The following RBMS3 variants were observed in gnomAD, a reference collection of about 807,000 sequenced individuals.
RBMS3 encodes the protein RNA-binding motif, single-stranded-interacting protein 3.
In RBMS3, 27 loss-of-function variants were observed where a neutral mutation model predicts 66.8. That is an observed-to-expected ratio of 0.40 (90% CI 0.30 to 0.56). RBMS3 has a LOEUF of 0.56. RBMS3 is among the 20% of genes least tolerant of loss of function. The pLI is 0.40. For missense variants in RBMS3, 513 were observed against 549.5 expected (o/e 0.93, Z 0.66); for synonymous variants, 188 against 183.0 (o/e 1.03, Z -0.22).
chr3:29,972,897 G>A (rs12492165), intron 12 of RBMS3, among the ~76,000 whole-genome samples: 16,327 of 151,948 alleles, frequency 0.11, 1,631 homozygotes, highest in African/African-American at 0.24. Context: ...GGATTTCTTC[G>A]TTCCTTTGTC....
chr3:29,622,534 A>C (rs1248295172), intron 4 of RBMS3, among the ~76,000 whole-genome samples: 1 of 152,236 alleles, frequency 6.6e-6, no homozygotes, highest in African/African-American at 2.4e-5. Context: ...CAGTAAAATA[A>C]TCTTCTATCA....
At chr3:29,693,330 A>G (rs7626062) in intron 4 of RBMS3, among the ~76,000 whole-genome samples, 69,588 of 152,014 alleles carry the variant, frequency 0.46, 16,775 homozygotes, top group South Asian at 0.55. Flanking sequence ...AGTTAGAAAG[A>G]TATTTTAAGG....
intron 1 of RBMS3, among the ~76,000 whole-genome samples, chr3:29,385,767 A>G (rs1473092601): frequency 1.3e-5 from 2 of 152,118 alleles, no homozygotes. Flanking sequence ...CAAAGGACAT[A>G]TCCTAGACTC....
chr3:29,522,725 G>T (rs760022189), intron 3 of RBMS3, among the ~76,000 whole-genome samples: 2 of 152,018 alleles, frequency 1.3e-5, no homozygotes, highest in African/African-American at 4.8e-5. Flanking sequence ...TCTTTTATTC[G>T]TCTGCCAATA....
intron 4 of RBMS3, among the ~76,000 whole-genome samples, chr3:29,692,581 C>A (rs763417192): frequency 3.6e-4 from 55 of 152,130 alleles, no homozygotes; most frequent in Non-Finnish European, 4.4e-5. Flanking sequence ...TATTTGACAA[C>A]CTAATCAAAA....
chr3:29,879,546 C>T (rs1189508061), intron 7 of RBMS3, among the ~76,000 whole-genome samples: 1 of 152,128 alleles, frequency 6.6e-6, no homozygotes, highest in Non-Finnish European at 1.5e-5. Context: ...AAATATTCAA[C>T]ATTTTCTATA....
intron 4 of RBMS3, among the ~76,000 whole-genome samples, chr3:29,733,686 A>G (rs1164944174): frequency 1.3e-5 from 2 of 152,078 alleles, no homozygotes; most frequent in Non-Finnish European, 1.5e-5. Context: ...ATAGTATGCA[A>G]ATATTTTTGC....
At chr3:29,569,387 C>A (rs1443605308) in intron 3 of RBMS3, among the ~76,000 whole-genome samples, 1 of 151,896 alleles carries the variant, frequency 6.6e-6, no homozygotes, top group African/African-American at 2.4e-5. Context: ...TACTAATTTA[C>A]AAATTACATC....
At chr3:29,430,401 T>C (rs2041137627) in intron 1 of RBMS3, among the ~76,000 whole-genome samples, 1 of 152,202 alleles carries the variant, frequency 6.6e-6, no homozygotes, top group Admixed American at 6.5e-5. Flanking sequence ...AATACATTCT[T>C]TCTTCACAAG....
At chr3:29,659,989 G>A (rs573801143) in intron 4 of RBMS3, among the ~76,000 whole-genome samples, 49 of 152,036 alleles carry the variant, frequency 3.2e-4, no homozygotes, top group African/African-American at 3.1e-4. Context: ...GATGTTAAGC[G>A]TCTTTAATTT....
intron 4 of RBMS3, among the ~76,000 whole-genome samples, chr3:29,593,166 A>G (rs919576409): frequency 6.9e-6 from 1 of 145,064 alleles, no homozygotes; most frequent in African/African-American, 2.9e-5. Flanking sequence ...AAGTATAATA[A>G]AAAAAGGAAG....
At chr3:29,797,592 G>A (rs2057244626) in intron 6 of RBMS3, 1 of 152,172 alleles carries the variant, frequency 6.6e-6, no homozygotes, top group Non-Finnish European at 1.5e-5. Context: ...AAAAGGCCTA[G>A]CTTTCAGACT....
intron 4 of RBMS3, among the ~76,000 whole-genome samples, chr3:29,643,338 A>G (rs2049796812): frequency 6.6e-6 from 1 of 152,216 alleles, no homozygotes; most frequent in Non-Finnish European, 1.5e-5. Context: ...AGCTTTTAGG[A>G]ACAAGGTTTT....
At chr3:29,327,183 C>A (rs1056661164) in intron 1 of RBMS3, among the ~76,000 whole-genome samples, 1 of 152,158 alleles carries the variant, frequency 6.6e-6, no homozygotes, top group Non-Finnish European at 1.5e-5. Flanking sequence ...CTAATTTGTT[C>A]ATTATTTGCC....
At chr3:29,395,625 A>G (rs1023408895) in intron 1 of RBMS3, among the ~76,000 whole-genome samples, 3 of 152,208 alleles carry the variant, frequency 2.0e-5, no homozygotes, top group African/African-American at 4.8e-5. Context: ...TTCAAAAGCA[A>G]TAAGCAAGTA....
chr3:29,701,023 C>T (rs147607503), intron 4 of RBMS3, among the ~76,000 whole-genome samples: 179 of 152,280 alleles, frequency 1.2e-3, no homozygotes, highest in Non-Finnish European at 1.9e-3. Flanking sequence ...CAATGAAGAA[C>T]TGTTTAAAAG....
chr3:29,708,376 A>AT lies in RBMS3; in HGVS notation c.400-31339dup, dbSNP rs1242519710. Among the ~76,000 whole-genome samples the AT allele has an allele frequency of 3.3e-5, 5 of 152,128 alleles. No individual in the cohort carries two copies. The East Asian group carries it at 9.6e-4, about 29-fold the overall frequency. On this transcript the variant is annotated intron_variant, in intron 4 of 14. Transcript: ENST00000383767. ...TAGCCACCATTTCAGGGGCATGGCT[A>AT]TTTTTGGCTCTAAATGTAGGCAAGA...
At chr3:29,528,269 C>T (rs1452319919) in intron 3 of RBMS3, among the ~76,000 whole-genome samples, 1 of 152,068 alleles carries the variant, frequency 6.6e-6, no homozygotes, top group East Asian at 1.9e-4. Flanking sequence ...CCAGCCACCA[C>T]ACCCGGCTAA....
At chr3:29,426,702 A>G (rs2040973322) in intron 1 of RBMS3, among the ~76,000 whole-genome samples, 2 of 151,830 alleles carry the variant, frequency 1.3e-5, no homozygotes, top group East Asian at 2.0e-4. Flanking sequence ...CATTTCAAGA[A>G]TAGTGGCTTT....
Sources: allele counts gnomAD v4.1 joint callset (sites outside exome capture counted in the v4.1 genomes callset), GRCh38; gene constraint gnomAD v4.1.1; transcripts MANE v1.5; gene names NCBI Gene and HGNC (gene_info 2026-07-23, HGNC 2026-07-21).